The following DLG5 variants were observed in gnomAD, a reference collection of about 807,000 sequenced individuals.
The protein encoded by DLG5 is discs large MAGUK scaffold protein 5.
Under a neutral mutation model 189.8 loss-of-function variants are expected in DLG5, and 48 were observed. The ratio of observed to expected loss-of-function variants is 0.25; its 90% confidence interval spans 0.20 to 0.32. The LOEUF is 0.32. Among genes scored for constraint, DLG5 ranks in the 10% least tolerant of loss-of-function variants. DLG5 has a pLI of 1.00. For missense variants in DLG5, 2,160 were observed against 2,544.7 expected, an observed-to-expected ratio of 0.85 and a Z score of 3.25; for synonymous variants, 1,016 against 1,054.1, an observed-to-expected ratio of 0.96 and a Z score of 0.70.
rs775444510 is a variant in DLG5 at position 77,794,929 on chromosome 10, C to A, written c.5466G>T (p.Pro1822=). 7 of 1,613,778 alleles carry A rather than the reference C, an allele frequency of 4.3e-6. No individual in the cohort carries two copies. In the African/African-American group the frequency reaches 5.3e-5, roughly 12 times the overall value. ...KNRHCLLDIA[P]HAIERLHHMH... is the part of the protein sequence containing the mutation. Reference sequence around the variant, plus strand: ...TGTGGTGGAGCCGCTCAATAGCGTGCGGAGCAATGTCCAGGAGGCAGTGTC... The same window carrying A: ...TGTGGTGGAGCCGCTCAATAGCGTGAGGAGCAATGTCCAGGAGGCAGTGTC... The change falls in exon 30 of 32, where the codon CCG becomes CCT. Residue 1822 remains proline, a synonymous_variant. Coordinates refer to ENST00000372391, the MANE Select transcript of DLG5 (RefSeq NM_004747.4).
At chr10:77,916,294 A>AT (rs1185550204) in intron 1 of DLG5, among the ~76,000 whole-genome samples, 4 of 149,476 alleles carry the variant, frequency 2.7e-5, no homozygotes, top group Non-Finnish European at 3.0e-5. Context: ...AAGAAAAAAA[A>AT]TTTTTTTTTT....
intron 3 of DLG5, 41 bp downstream of exon 3, chr10:77,856,689 C>A (rs755125591): frequency 1.1e-4 from 176 of 1,596,082 alleles, no homozygotes; most frequent in Non-Finnish European, 1.5e-4. Flanking sequence ...GTAGTAATCC[C>A]AACCATGGGG....
chr10:77,821,775 A>G lies in DLG5; in HGVS notation c.2709T>C (p.Arg903=). The G allele has an allele frequency of 6.2e-7, 1 of 1,610,420 alleles. No individual in the cohort carries two copies. Among genetic ancestry groups the G allele is most frequent in the Non-Finnish European group, 8.5e-7 (1 of 1,178,608 alleles). The stretch of plus-strand genomic sequence containing the variant: ...CACGCACGTCCACCAGCCCAAAGCC[A>G]CGGTCCCCAGAGGCATCTGAGCGGA... ...SSFRSDASGD[R]GFGLVDVRGR... is the part of the protein sequence containing the mutation. Residue 903 remains arginine (R), a synonymous_variant, in exon 15 of 32, where the codon CGT becomes CGC. Coordinates refer to ENST00000372391, the MANE Select transcript of DLG5 (RefSeq NM_004747.4).
At chr10:77,795,039 C>T in intron 29 of DLG5, 81 bp from the exon 30 acceptor site, 1 of 1,099,568 alleles carries the variant, frequency 9.1e-7, no homozygotes, top group South Asian at 1.4e-5. Context: ...CAGGACCCAC[C>T]TCACCTCACA....
At chr10:77,840,978 G>A (rs933875398) in intron 7 of DLG5, among the ~76,000 whole-genome samples, 4 of 152,160 alleles carry the variant, frequency 2.6e-5, no homozygotes, top group East Asian at 1.9e-4. Flanking sequence ...ACCTTTAAAC[G>A]CCTTGCTTTT....
chr10:77,840,325 G>A (rs554054701), intron 7 of DLG5, among the ~76,000 whole-genome samples: 1 of 152,312 alleles, frequency 6.6e-6, no homozygotes, highest in East Asian at 1.9e-4. Flanking sequence ...ATTACAGTGA[G>A]CTATGATTGT....
chr10:77,820,248 A>T, intron 15 of DLG5: 1 of 468,740 alleles, frequency 2.1e-6, no homozygotes, highest in Non-Finnish European at 3.7e-6. Flanking sequence ...TGGGAGGCTG[A>T]GGCAGGAGAA....
the DLG5 span, among the ~76,000 whole-genome samples, chr10:77,936,441 CAAAACAAA>C: frequency 0.014 from 1,251 of 87,832 alleles, 31 homozygotes; most frequent in African/African-American, 0.05. Flanking sequence ...CGTCTCAAAA[CAAAACAAA>C]AAAAAAAAAA....
intron 27 of DLG5, among the ~76,000 whole-genome samples, chr10:77,798,882 T>G (rs1841061950): frequency 6.6e-6 from 1 of 152,206 alleles, no homozygotes; most frequent in African/African-American, 2.4e-5. Flanking sequence ...GATGGGAAGA[T>G]GCTAACAATA....
At chr10:77,901,890 G>A (rs1467998687) in intron 1 of DLG5, among the ~76,000 whole-genome samples, 2 of 152,182 alleles carry the variant, frequency 1.3e-5, no homozygotes, top group Non-Finnish European at 2.9e-5. Flanking sequence ...CAGCCAGAAA[G>A]CCAACTATGA....
At chr10:77,850,419 G>T (rs949995469) in intron 5 of DLG5, among the ~76,000 whole-genome samples, 1 of 152,220 alleles carries the variant, frequency 6.6e-6, no homozygotes, top group Admixed American at 6.5e-5. Flanking sequence ...TGTATGGATA[G>T]ATCACATTTT....
chr10:77,822,082 G>C lies in DLG5; in HGVS notation c.2402C>G (p.Ser801Trp). 6.2e-7 allele frequency: 1 copy of C among 1,612,810 alleles called. No individual in the cohort carries two copies. The highest frequency in any genetic ancestry group is 8.5e-7 in the Non-Finnish European group (1 of 1,179,266). The change falls in exon 15 of 32, where the codon TCG (serine) becomes TGG (tryptophan). Residue 801 changes from serine (S) to tryptophan (W), a missense_variant. Physicochemically the swap from Ser to Trp is radical, Grantham distance 177 (BLOSUM62 -3). Coordinates refer to ENST00000372391, the MANE Select transcript of DLG5 (RefSeq NM_004747.4). ...TTCAAAAATGTTCTGGCCACTCCAC[G>C]AGGAGCTCTGAGGGAATACCTAGGC... ...SLLKVFPQSSSWSGQNIFENI... is the reference protein window; with the variant it reads ...SLLKVFPQSSWWSGQNIFENI...
intron 13 of DLG5, chr10:77,824,768 GC>G: frequency 2.9e-6 from 1 of 345,994 alleles, no homozygotes; most frequent in Non-Finnish European, 5.2e-6. Context: ...GCTGTGCCCG[GC>G]CATGTGGCGT....
Position 77,842,143 on chromosome 10 carries a change from T to C in DLG5, c.1175A>G (p.Asp392Gly), listed in dbSNP as rs1331992369. 1.2e-6 allele frequency: 2 copies of C among 1,610,252 alleles called. No homozygotes were observed. Among genetic ancestry groups the C allele is most frequent in the South Asian group, 1.1e-5 (1 of 91,088 alleles). ...ELNKATAQNK[D>G]LQWEMELLQS... Reference sequence around the variant, plus strand: ...CAGCAGCTCCATCTCCCACTGCAGGTCCTTGTTCTGCGCCGTGGCCTTGTT... The same window carrying C: ...CAGCAGCTCCATCTCCCACTGCAGGCCCTTGTTCTGCGCCGTGGCCTTGTT... The change falls in exon 7 of 32, where the codon GAC (aspartate) becomes GGC (glycine). Residue 392 changes from aspartate to glycine, a missense_variant. This residue lies in a region of DLG5 where 664 missense variants were observed against 838.5 expected (regional missense o/e 0.79). Transcript: ENST00000372391.
rs11002326 is a variant in DLG5 at position 77,905,963 on chromosome 10, C to G, written c.304+20254G>C. On this transcript the variant is annotated intron_variant, in intron 1 of 31. Coordinates refer to ENST00000372391, the MANE Select transcript of DLG5 (RefSeq NM_004747.4). ...CTGAGCACTGTGCATTTAAATACATCATGCTGCCTGCCACGTGTGCTTCTC... is the reference window on the plus strand; with the variant it reads ...CTGAGCACTGTGCATTTAAATACATGATGCTGCCTGCCACGTGTGCTTCTC... Among the ~76,000 whole-genome samples, 382 of 152,334 alleles carry G rather than the reference C, an allele frequency of 2.5e-3. 1 individual carries two copies. Among genetic ancestry groups the G allele is most frequent in the Non-Finnish European group, 4.5e-3 (303 of 68,032 alleles).
chr10:77,796,156 G>A lies in DLG5; in HGVS notation c.5341C>T (p.Arg1781Trp). The A allele has an allele frequency of 3.7e-6, 6 of 1,614,136 alleles. No individual in the cohort carries two copies. The highest frequency in any genetic ancestry group is 5.1e-6 in the Non-Finnish European group (6 of 1,180,024). ...ACAAACAGGCAATCTTTGACACCCC[G>A]CTCAATGGCCTGCTGGGAGGCCTTC... is the stretch of plus-strand genomic sequence containing the variant. ...VMKASQQAIE[R>W]GVKDCLFVDY... is the part of the protein sequence containing the mutation. The change falls in exon 29 of 32, where the codon CGG (arginine) becomes TGG (tryptophan). Residue 1781 changes from arginine to tryptophan, a missense_variant. By Grantham distance (101) the Arg-to-Trp change is moderately radical. This residue lies in a region of DLG5 where 574 missense variants were observed against 644.2 expected (regional missense o/e 0.89). Transcript: ENST00000372391. The surrounding 1 kb of genome is among the most constrained non-coding windows in gnomAD (Gnocchi z 5.2).
At position 77,792,443 on chromosome 10, in the gene DLG5, G is replaced by C; in HGVS notation, c.5757C>G (p.Leu1919=). The change falls in exon 32 of 32, where the codon CTC becomes CTG. Residue 1919 remains leucine (L), a synonymous_variant. Coordinates refer to ENST00000372391, the MANE Select transcript of DLG5 (RefSeq NM_004747.4). ...NKVLWIPACP[L] Reference sequence around the variant, plus strand: ...TCATCCACAGCACAGCATTCTCCTAGAGCGGGCAGGCTGGAATCCACAGGA... The same window carrying C: ...TCATCCACAGCACAGCATTCTCCTACAGCGGGCAGGCTGGAATCCACAGGA... 6.2e-7 allele frequency: 1 copy of C among 1,614,104 alleles called. No individual in the cohort carries two copies.
intron 15 of DLG5, 157 bp downstream of exon 15, chr10:77,820,925 T>C (rs1413506794): frequency 2.2e-6 from 2 of 929,434 alleles, no homozygotes; most frequent in Non-Finnish European, 3.1e-6. Context: ...ACCTACCTCC[T>C]AGCTGGGCCA....
At chr10:77,932,188 C>T in the DLG5 span, among the ~76,000 whole-genome samples, 4 of 152,148 alleles carry the variant, frequency 2.6e-5, no homozygotes, top group Non-Finnish European at 4.4e-5. Flanking sequence ...CTTCCCTCTG[C>T]GAGGAAAGAC....
Sources: gnomAD v4.1 joint callset for allele counts (sites outside exome capture counted in the v4.1 genomes callset) on GRCh38, gnomAD v4.1.1 for gene constraint, gnomAD v4.1.1 regional missense constraint, Gnocchi (gnomAD v3.1) non-coding constraint, MANE v1.5 for transcripts, NCBI Gene and HGNC (gene_info 2026-07-23, HGNC 2026-07-21) for gene names.